The following ABCC5 variants were observed in gnomAD, a reference collection of about 807,000 sequenced individuals.
ABCC5 encodes ATP-binding cassette sub-family C member 5.
In ABCC5, 61 loss-of-function variants were observed where a neutral mutation model predicts 160.9. The observed-to-expected ratio is 0.38, with a 90% CI of 0.31 to 0.47. The LOEUF (loss-of-function observed/expected upper bound fraction) is 0.47, where lower values mean the gene tolerates loss of function less well. ABCC5 is among the 20% of genes least tolerant of loss of function. ABCC5 has a pLI of 0.99. For missense variants in ABCC5, 1,308 were observed against 1,813.3 expected, an observed-to-expected ratio of 0.72 and a Z score of 5.06; for synonymous variants, 666 against 700.6, an observed-to-expected ratio of 0.95 and a Z score of 0.78.
At chr3:183,936,287 TG>T in intron 26 of ABCC5, among the ~76,000 whole-genome samples, 1 of 152,034 alleles carries the variant, frequency 6.6e-6, no homozygotes, top group Non-Finnish European at 1.5e-5. Context: ...CCTCCAGAAC[TG>T]AGAGAAATAA....
Position 183,971,918 on chromosome 3 carries a change from C to G in ABCC5, c.1406G>C (p.Ser469Thr), listed in dbSNP as rs765178615. The G allele has an allele frequency of 6.2e-7, 1 of 1,613,988 alleles. No individual in the cohort carries two copies. Among genetic ancestry groups the G allele is most frequent in the Non-Finnish European group, 8.5e-7 (1 of 1,180,034 alleles). ...EASVAVDRFK[S>T]LFLMEEVHMI... ...GTGAACCTCTTCCATTAGAAACAAA[C>G]TCTGATAGGAGTTGTGAGAGAGGTG... The change falls in exon 11 of 30, where the codon AGT (serine) becomes ACT (threonine). Residue 469 changes from serine (S) to threonine (T), a missense_variant and splice_region_variant. Ser to Thr is a moderately conservative substitution (Grantham distance 58). This residue lies in a region of ABCC5 where 1,142 missense variants were observed against 1,527.1 expected (regional missense o/e 0.75). Transcript: ENST00000334444.
At chr3:183,938,499 A>T (rs557514414) in intron 25 of ABCC5, among the ~76,000 whole-genome samples, 1 of 152,224 alleles carries the variant, frequency 6.6e-6, no homozygotes, top group Admixed American at 6.5e-5. Context: ...GGGTTTCACC[A>T]TATTGGCCAG....
rs1358983197 is a variant in ABCC5, at chr3:183,963,556, C to A, written c.2064G>T (p.Gly688=). Residue 688 remains glycine (G), a synonymous_variant, in exon 15 of 30, where the codon GGG becomes GGT. Transcript: ENST00000334444. The surrounding 1 kb of genome is among the most constrained non-coding windows in gnomAD (Gnocchi z 4.6). ...GGGCAAGGCTGATCCTCTGGCGCTG[C>A]CCACCGCTCAGGTTGGCTCCTCGCT... ...IGERGANLSG[G]QRQRISLARA... 4 of 1,614,110 alleles carry A rather than the reference C, an allele frequency of 2.5e-6. No homozygotes were observed. Among genetic ancestry groups the A allele is most frequent in the Non-Finnish European group, 2.5e-6 (3 of 1,180,050 alleles).
intron 2 of ABCC5, among the ~76,000 whole-genome samples, chr3:183,998,379 A>T (rs1016160592): frequency 6.6e-6 from 1 of 152,234 alleles, no homozygotes; most frequent in Non-Finnish European, 1.5e-5. Flanking sequence ...CCTTGTGTAC[A>T]GCCAAATCTC....
At chr3:183,942,457 T>C (rs1714461143) in intron 25 of ABCC5, 1 of 618,100 alleles carries the variant, frequency 1.6e-6, no homozygotes, top group South Asian at 1.5e-5. Flanking sequence ...TGCTTCTCTC[T>C]GGGTAGCAGA....
At chr3:183,969,456 G>A (rs1219653618) in intron 11 of ABCC5, among the ~76,000 whole-genome samples, 2 of 152,126 alleles carry the variant, frequency 1.3e-5, no homozygotes, top group Non-Finnish European at 2.9e-5. Flanking sequence ...ACTTTGAAAG[G>A]CCAGGCAGGC....
At chr3:183,928,685 G>C in intron 27 of ABCC5, 62 bp downstream of exon 27, 5 of 1,477,552 alleles carry the variant, frequency 3.4e-6, no homozygotes, top group Non-Finnish European at 4.7e-6. Context: ...GGTGTGGCAA[G>C]GGCACTGCTG....
At position 183,949,593 on chromosome 3, in the gene ABCC5, G is replaced by T. The variant is rs1715157316; in HGVS notation, c.3227+160C>A. The stretch of plus-strand genomic sequence containing the variant: ...CTTGCTCAGAAAGGAGTCCCGCCAA[G>T]CAATTGGATTTTAATCAGAGATTAT... On this transcript the variant is annotated intron_variant, in intron 22 of 29. Coordinates refer to ENST00000334444, the MANE Select transcript of ABCC5 (RefSeq NM_005688.4). This position sits in a 1 kb window ranked among gnomAD's most constrained non-coding sequence, Gnocchi z 4.2. Among the ~76,000 whole-genome samples the T allele has an allele frequency of 6.6e-6, 1 of 152,246 alleles. No homozygotes were observed. Among genetic ancestry groups the T allele is most frequent in the Non-Finnish European group, 1.5e-5 (1 of 68,044 alleles).
intron 23 of ABCC5, 50 bp from the exon 24 acceptor site, chr3:183,945,989 C>T (rs1714805263): frequency 1.4e-5 from 22 of 1,531,058 alleles, no homozygotes; most frequent in Non-Finnish European, 2.0e-5. Context: ...TCAATACACG[C>T]CAGGCCAATG....
intron 17 of ABCC5, among the ~76,000 whole-genome samples, chr3:183,955,645 T>C (rs1221037986): frequency 1.3e-5 from 2 of 151,890 alleles, no homozygotes; most frequent in Non-Finnish European, 2.9e-5. Context: ...GATCCGTGTG[T>C]ATATCACATC....
At chr3:183,984,687 A>C in intron 5 of ABCC5, 1 of 1,489,266 alleles carries the variant, frequency 6.7e-7, no homozygotes, top group Non-Finnish European at 8.9e-7. Context: ...GTTTATATCC[A>C]TTGCTTGGGT....
intron 12 of ABCC5, among the ~76,000 whole-genome samples, chr3:183,966,013 G>C (rs1379939638): frequency 6.6e-6 from 1 of 152,118 alleles, no homozygotes; most frequent in African/African-American, 2.4e-5. Context: ...ACCAATGATG[G>C]ACCTTGCCTG....
chr3:183,966,930 G>C (rs1717271049), intron 12 of ABCC5, among the ~76,000 whole-genome samples: 1 of 151,844 alleles, frequency 6.6e-6, no homozygotes, highest in African/African-American at 2.4e-5. Context: ...AGGGTGTAGA[G>C]ATAATCATAA....
chr3:183,982,642 T>G lies in ABCC5; in HGVS notation c.826-18A>C. ...TTGATGAGCTATAAGATACAAAGAG[T>G]AGTGAGGGGACCCTGCAAGGACACG... is the stretch of plus-strand genomic sequence containing the variant. On this transcript the variant is annotated intron_variant, in intron 6 of 29. Transcript: ENST00000334444. The surrounding 1 kb of genome is among the most constrained non-coding windows in gnomAD (Gnocchi z 5.2). The G allele has an allele frequency of 6.2e-7, 1 of 1,613,186 alleles. No homozygotes were observed. The highest frequency in any genetic ancestry group is 2.2e-5 in the East Asian group (1 of 44,858).
At chr3:183,942,950 C>T in intron 24 of ABCC5, 34 bp from the exon 25 acceptor site, 2 of 1,567,296 alleles carry the variant, frequency 1.3e-6, no homozygotes. Context: ...TCAGACTGAC[C>T]ACAGATTCTT....
In ABCC5 at chr3:183,989,223, T is replaced by C. The variant is rs1719516012; in HGVS notation, c.287+3A>G. 4 of 1,601,538 alleles carry C rather than the reference T, an allele frequency of 2.5e-6. No individual in the cohort carries two copies. Among genetic ancestry groups the C allele is most frequent in the Non-Finnish European group, 3.4e-6 (4 of 1,172,416 alleles). On this transcript the variant is annotated splice_donor_region_variant and intron_variant, in intron 3 of 29. Transcript: ENST00000334444. ...ACTGTCATCACTCAGCACGGCATCT[T>C]ACTTGGAAGTAGTCCGGATGGGCTT...
At chr3:183,930,069 C>A (rs1429815677) in intron 26 of ABCC5, among the ~76,000 whole-genome samples, 1 of 152,196 alleles carries the variant, frequency 6.6e-6, no homozygotes, top group East Asian at 1.9e-4. Context: ...ATTTGGAGGT[C>A]TAGTAATCTG....
Position 183,971,703 on chromosome 3 carries a change from C to A in ABCC5, c.1621G>T (p.Val541Leu). 2 of 1,614,200 alleles carry A rather than the reference C, an allele frequency of 1.2e-6. No homozygotes were observed. The highest frequency in any genetic ancestry group is 1.7e-6 in the Non-Finnish European group (2 of 1,180,034). ...AGGTGGCCTTTCTGCTCTGCCAGCA[C>A]CGCCTGATGCTCAGTGCGCTGCAGC... ...RQLQRTEHQA[V>L]LAEQKGHLLL... The change falls in exon 11 of 30, where the codon GTG becomes TTG. Residue 541 changes from valine to leucine, a missense_variant. Physicochemically the swap from Val to Leu is conservative, Grantham distance 32. Coordinates refer to ENST00000334444, the MANE Select transcript of ABCC5 (RefSeq NM_005688.4).
chr3:183,960,599 G>A (rs1008892268), intron 16 of ABCC5, among the ~76,000 whole-genome samples: 3 of 152,028 alleles, frequency 2.0e-5, no homozygotes, highest in Non-Finnish European at 2.9e-5. Flanking sequence ...TAAAAGCATC[G>A]GTCTTCCCTA....
Sources: allele counts gnomAD v4.1 joint callset (sites outside exome capture counted in the v4.1 genomes callset), GRCh38; gene constraint gnomAD v4.1.1; regional missense constraint gnomAD v4.1.1; non-coding constraint Gnocchi (gnomAD v3.1); transcripts MANE v1.5; gene names NCBI Gene and HGNC (gene_info 2026-07-23, HGNC 2026-07-21).